The following ABCA12 variants were observed in gnomAD, a reference collection of about 807,000 sequenced individuals.
ABCA12 encodes the protein ATP binding cassette subfamily A member 12.
In ABCA12, 156 loss-of-function variants were observed where a neutral mutation model predicts 293.5. The observed-to-expected ratio is 0.53, with a 90% CI of 0.47 to 0.61. The LOEUF (loss-of-function observed/expected upper bound fraction) is 0.61, where lower values mean the gene tolerates loss of function less well. Ranked by LOEUF, ABCA12 falls within the 20% of genes least tolerant of loss-of-function variation. ABCA12 has a pLI of 0.00. For synonymous variants in ABCA12, 1,063 were observed against 1,108.0 expected (o/e 0.96, Z 0.81); for missense variants, 2,797 against 3,090.2 (o/e 0.91, Z 2.25).
Position 214,993,561 on chromosome 2 carries a change from T to C in ABCA12, c.3295-2530A>G, listed in dbSNP as rs983816244. On this transcript the variant is annotated intron_variant, in intron 23 of 52. Transcript: ENST00000272895. ...TACTATTTGTATTTTCAGATTTTTA[T>C]GCCTATTTGAATATAATTAAGTGGG... Among the ~76,000 whole-genome samples, 4 of 152,262 alleles carry C rather than the reference T, an allele frequency of 2.6e-5. No individual in the cohort carries two copies. In the South Asian group the frequency reaches 8.3e-4, roughly 31 times the overall value.
intron 11 of ABCA12, chr2:215,025,471 T>C: frequency 1.9e-6 from 1 of 516,860 alleles, no homozygotes; most frequent in South Asian, 2.2e-5. Context: ...ATAAACTCTT[T>C]TGTCACCATT....
At chr2:215,047,476 C>T (rs2222491) in intron 6 of ABCA12, among the ~76,000 whole-genome samples, 50,839 of 151,918 alleles carry the variant, frequency 0.33, 9,612 homozygotes, top group South Asian at 0.56. Flanking sequence ...AGAAATAGGG[C>T]TACACACCTA....
intron 2 of ABCA12, among the ~76,000 whole-genome samples, chr2:215,073,615 C>T (rs755382982): frequency 2.7e-4 from 41 of 152,108 alleles, no homozygotes; most frequent in Non-Finnish European, 5.1e-4. Flanking sequence ...AGCAACACCA[C>T]TTAGCATCCA....
intron 28 of ABCA12, among the ~76,000 whole-genome samples, chr2:214,986,055 C>A (rs1033214631): frequency 5.3e-4 from 81 of 152,268 alleles, no homozygotes; most frequent in African/African-American, 1.9e-3. Flanking sequence ...CATGAAGGAG[C>A]AGCTGAGGCT....
intron 2 of ABCA12, among the ~76,000 whole-genome samples, chr2:215,094,417 C>A (rs1702208721): frequency 1.3e-5 from 2 of 152,198 alleles, no homozygotes; most frequent in African/African-American, 4.8e-5. Flanking sequence ...TCATCAGTCA[C>A]TCCTACTTGC....
chr2:214,986,416 C>T, intron 28 of ABCA12, 126 bp downstream of exon 28: 1 of 984,336 alleles, frequency 1.0e-6, no homozygotes, highest in East Asian at 2.6e-5. Flanking sequence ...ACAAGTTGAA[C>T]CATCTTCCTC....
chr2:215,067,087 A>C (rs745656561), intron 2 of ABCA12, among the ~76,000 whole-genome samples: 8 of 152,130 alleles, frequency 5.3e-5, no homozygotes, highest in Non-Finnish European at 1.2e-4. Flanking sequence ...TATTTTTTCC[A>C]TTCTTTTCCC....
Position 215,052,509 on chromosome 2 carries a change from G to A in ABCA12, c.485C>T (p.Ala162Val), listed in dbSNP as rs149399707. The A allele has an allele frequency of 1.5e-3, 2,463 of 1,612,514 alleles. 7 individuals carry two copies. Among genetic ancestry groups the A allele is most frequent in the Non-Finnish European group, 1.8e-3 (2,119 of 1,178,932 alleles). The change falls in exon 5 of 53, where the codon GCA becomes GTA. Residue 162 changes from alanine to valine, a missense_variant. Around this residue, in one of 3 missense-constraint regions of ABCA12, gnomAD observed 656 missense variants for 638.2 expected, o/e 1.03. Coordinates refer to ENST00000272895, the MANE Select transcript of ABCA12 (RefSeq NM_173076.3). Reference sequence around the variant, plus strand: ...TACCTTTTCCAAGCCAAGAATTCGTGCGAGCACTTGACTGCCATTGAAAGT... The same window carrying A: ...TACCTTTTCCAAGCCAAGAATTCGTACGAGCACTTGACTGCCATTGAAAGT... ...TYTFNGSQVLARILGLEKLLK... is the reference protein window; with the variant it reads ...TYTFNGSQVLVRILGLEKLLK...
chr2:215,081,506 G>GA (rs1348884051), intron 2 of ABCA12, among the ~76,000 whole-genome samples: 10 of 114,998 alleles, frequency 8.7e-5, no homozygotes, highest in African/African-American at 3.2e-4. Flanking sequence ...AAAGAAAAAA[G>GA]AAAAAGAAAA....
chr2:215,104,559 A>G (rs934838204), intron 2 of ABCA12, among the ~76,000 whole-genome samples: 7 of 152,204 alleles, frequency 4.6e-5, no homozygotes, highest in Admixed American at 2.0e-4. Flanking sequence ...CAGGGTCCCA[A>G]TCAAATCCCA....
rs369970869 is a variant in ABCA12 at position 215,126,930 on chromosome 2, G to A, written c.69+11210C>T. Among the ~76,000 whole-genome samples the A allele has an allele frequency of 1.4e-3, 214 of 151,974 alleles. 3 individuals carry two copies. In the South Asian group the frequency reaches 0.023, roughly 16 times the overall value. ...CAGTCTTATTGATGTAGGCATTTAG[G>A]GCTATGAGCTTTCTTGTTAGCACTG... On this transcript the variant is annotated intron_variant, in intron 1 of 52. Coordinates refer to ENST00000272895, the MANE Select transcript of ABCA12 (RefSeq NM_173076.3).
chr2:215,050,424 G>A (rs944411492), intron 5 of ABCA12, among the ~76,000 whole-genome samples: 8 of 151,994 alleles, frequency 5.3e-5, no homozygotes, highest in East Asian at 1.9e-4. Flanking sequence ...AATCATTTTC[G>A]TAATGGAATC....
At chr2:215,035,708 A>G (rs1043923403) in intron 8 of ABCA12, 10 of 151,666 alleles carry the variant, frequency 6.6e-5, no homozygotes, top group African/African-American at 2.4e-4. Context: ...TGATTAGCAC[A>G]GTCATAGACA....
chr2:215,065,572 A>G (rs1052019226), intron 2 of ABCA12, among the ~76,000 whole-genome samples: 5 of 151,962 alleles, frequency 3.3e-5, no homozygotes, highest in Admixed American at 1.3e-4. Context: ...AAAAAGAGAG[A>G]TTGGAGAATG....
chr2:214,990,838 T>G lies in ABCA12; in HGVS notation c.3488A>C (p.Tyr1163Ser). 1 of 1,614,078 alleles carries G rather than the reference T, an allele frequency of 6.2e-7. No homozygotes were observed. Among genetic ancestry groups the G allele is most frequent in the Non-Finnish European group, 8.5e-7 (1 of 1,179,968 alleles). The change falls in exon 24 of 53, where the codon TAT (tyrosine) becomes TCT (serine). Residue 1163 changes from tyrosine to serine, a missense_variant. By Grantham distance (144) the Tyr-to-Ser change is moderately radical. Around this residue, in one of 3 missense-constraint regions of ABCA12, gnomAD observed 2,130 missense variants for 2,427.0 expected, o/e 0.88. Coordinates refer to ENST00000272895, the MANE Select transcript of ABCA12 (RefSeq NM_173076.3). The part of the protein sequence containing the change: ...DYSFSVIAMS[Y>S]LISVFFNNTN... ...GTTGTTGAAGAAGACACTGATAAGATAGCTCATGGCAATAACCGAGAAGCT... is the reference window on the plus strand; with the variant it reads ...GTTGTTGAAGAAGACACTGATAAGAGAGCTCATGGCAATAACCGAGAAGCT...
At position 214,954,117 on chromosome 2, in the gene ABCA12, G is replaced by C. The variant is rs368688715; in HGVS notation, c.6394-10C>G. On this transcript the variant is annotated splice_polypyrimidine_tract_variant and intron_variant, in intron 43 of 52. Coordinates refer to ENST00000272895, the MANE Select transcript of ABCA12 (RefSeq NM_173076.3). ...AAATAAGTTCTAAAGTCTGAAATAAGAGAAATAAAAATAAAACTCAGTGTT... is the reference window on the plus strand; with the variant it reads ...AAATAAGTTCTAAAGTCTGAAATAACAGAAATAAAAATAAAACTCAGTGTT... 3 of 1,612,650 alleles carry C rather than the reference G, an allele frequency of 1.9e-6. No homozygotes were observed. Among genetic ancestry groups the C allele is most frequent in the African/African-American group, 2.7e-5 (2 of 74,978 alleles).
At chr2:215,060,247 G>A (rs1360883162) in intron 3 of ABCA12, among the ~76,000 whole-genome samples, 1 of 151,978 alleles carries the variant, frequency 6.6e-6, no homozygotes, top group Non-Finnish European at 1.5e-5. Context: ...TGAACTGTAA[G>A]TTTATATAGG....
chr2:215,035,424 C>T (rs1482159262), intron 8 of ABCA12, among the ~76,000 whole-genome samples: 1 of 151,982 alleles, frequency 6.6e-6, no homozygotes, highest in Non-Finnish European at 1.5e-5. Flanking sequence ...AATCCCAGCA[C>T]TTTGGGAGGC....
intron 15 of ABCA12, among the ~76,000 whole-genome samples, chr2:215,015,161 TA>T (rs1553533558): frequency 8.0e-6 from 1 of 124,960 alleles, no homozygotes; most frequent in South Asian, 2.4e-4. Context: ...TGTTCACTGT[TA>T]AAAAAATAAT....
Sources: gnomAD v4.1 joint callset for allele counts (sites outside exome capture counted in the v4.1 genomes callset) on GRCh38, gnomAD v4.1.1 for gene constraint, gnomAD v4.1.1 regional missense constraint, MANE v1.5 for transcripts, NCBI Gene and HGNC (gene_info 2026-07-23, HGNC 2026-07-21) for gene names.